The following GOLM1 variants were observed in gnomAD, a reference collection of about 807,000 sequenced individuals.
The protein encoded by GOLM1 is epididymis luminal protein 46.
A neutral mutation model predicts 50.5 loss-of-function variants in GOLM1; 31 were observed. The observed-to-expected ratio is 0.61, with a 90% CI of 0.46 to 0.83. The LOEUF is 0.83. Ranked by LOEUF, GOLM1 falls within the 40% of genes least tolerant of loss-of-function variation. The probability of loss-of-function intolerance (pLI) is 0.00; values close to 1 mark genes in which losing one functional copy is unlikely to be tolerated. For synonymous variants in GOLM1, 178 were observed against 192.8 expected, an observed-to-expected ratio of 0.92 and a Z score of 0.64; for missense variants, 491 against 501.3, an observed-to-expected ratio of 0.98 and a Z score of 0.20.
chr9:86,077,752 G>A (rs1438983753), intron 2 of GOLM1, 161 bp from the exon 3 acceptor site: 2 of 585,246 alleles, frequency 3.4e-6, no homozygotes, highest in African/African-American at 1.8e-5. Flanking sequence ...ACAGAAGCTG[G>A]AGCGGTTTCT....
rs2118642366 is a variant in GOLM1, at chr9:86,035,530, C to G, written c.853G>C (p.Val285Leu). The change falls in exon 8 of 10, where the codon GTA becomes CTA. Residue 285 changes from valine to leucine, a missense_variant. By Grantham distance (32) the Val-to-Leu change is conservative. Transcript: ENST00000388712. ...GCTCCCCCGAAGCCTCTTCCACCTA[C>G]AGGTCTGTCTTCCACCACCTGCTCC... ...GREQVVEDRP[V>L]GGRGFGGAGE... The G allele has an allele frequency of 6.2e-7, 1 of 1,612,344 alleles. No homozygotes were observed.
intron 1 of GOLM1, among the ~76,000 whole-genome samples, chr9:86,089,898 T>C (rs888250572): frequency 6.6e-6 from 1 of 152,226 alleles, no homozygotes; most frequent in African/African-American, 2.4e-5. Context: ...TGGATGTATC[T>C]ACCTTTGGTC....
In GOLM1 at chr9:86,071,078, T is replaced by TACACACACACACACAC. The variant is rs58612344; in HGVS notation, c.309+6318_309+6333dup. Among the ~76,000 whole-genome samples, 824 of 148,322 alleles carry TACACACACACACACAC rather than the reference T, an allele frequency of 5.6e-3. 10 individuals are homozygous for TACACACACACACACAC. Among genetic ancestry groups the TACACACACACACACAC allele is most frequent in the African/African-American group, 0.018 (713 of 39,976 alleles). ...AAACATTTACACACATATATACATGTACACACACACACACACACACACACA... is the reference window on the plus strand; with the variant it reads ...AAACATTTACACACATATATACATGTACACACACACACACACACACACACACACACACACACACACA... On this transcript the variant is annotated intron_variant, in intron 3 of 9. Coordinates refer to ENST00000388712, the MANE Select transcript of GOLM1 (RefSeq NM_016548.4).
At chr9:86,085,572 T>G (rs924063445) in intron 1 of GOLM1, among the ~76,000 whole-genome samples, 16 of 151,934 alleles carry the variant, frequency 1.1e-4, no homozygotes, top group Admixed American at 9.8e-4. Flanking sequence ...GATGGTTTGC[T>G]GCACCCATCA....
intron 1 of GOLM1, among the ~76,000 whole-genome samples, chr9:86,086,762 T>C (rs1475937931): frequency 2.0e-5 from 3 of 152,208 alleles, no homozygotes; most frequent in Non-Finnish European, 4.4e-5. Flanking sequence ...CAGATGGTTG[T>C]AGATGTGTGG....
At chr9:86,048,250 C>G (rs937996747) in intron 4 of GOLM1, among the ~76,000 whole-genome samples, 1 of 152,146 alleles carries the variant, frequency 6.6e-6, no homozygotes, top group Non-Finnish European at 1.5e-5. Flanking sequence ...ATATGTGCCA[C>G]ATTTTCTTAA....
In GOLM1 at chr9:86,035,078, G is replaced by A; in HGVS notation, c.1015+290C>T. On this transcript the variant is annotated intron_variant, in intron 8 of 9. Coordinates refer to ENST00000388712, the MANE Select transcript of GOLM1 (RefSeq NM_016548.4). The stretch of plus-strand genomic sequence containing the variant: ...CATGTGGCCTGCCTGCCAGGAGGGG[G>A]CGTCCACTTGATGCTAAGCACCCAT... 4.1e-6 allele frequency: 4 copies of A among 985,240 alleles called. No homozygotes were observed. In the South Asian group the frequency reaches 1.9e-4, roughly 46 times the overall value. 61.0% of individuals were successfully genotyped at this position (985,240 alleles called of 1,614,324 possible).
chr9:86,048,005 T>C lies in GOLM1; in HGVS notation c.365-1433A>G, dbSNP rs375159096. Reference sequence around the variant, plus strand: ...TAACTCGTCATTTACAATAGGTAATTTCTCTTAAAGCCATCCCTCCCCCCT... The same window carrying C: ...TAACTCGTCATTTACAATAGGTAATCTCTCTTAAAGCCATCCCTCCCCCCT... On this transcript the variant is annotated intron_variant, in intron 4 of 9. Transcript: ENST00000388712. 1.9e-4 allele frequency among the ~76,000 whole-genome samples: 29 copies of C among 151,710 alleles called. No homozygotes were observed. In the East Asian group the frequency reaches 4.9e-3, roughly 25 times the overall value.
At chr9:86,066,101 T>C (rs976160775) in intron 3 of GOLM1, among the ~76,000 whole-genome samples, 2 of 152,176 alleles carry the variant, frequency 1.3e-5, no homozygotes, top group Non-Finnish European at 2.9e-5. Flanking sequence ...GTAGGACCAA[T>C]GACCAGACTT....
chr9:86,098,630 A>G (rs7857175), intron 1 of GOLM1, among the ~76,000 whole-genome samples: 36,773 of 152,242 alleles, frequency 0.24, 7,544 homozygotes, highest in African/African-American at 0.54. Context: ...TTCAAATATA[A>G]TAATTCTTAA....
intron 3 of GOLM1, among the ~76,000 whole-genome samples, chr9:86,054,016 C>A (rs1833910532): frequency 6.6e-6 from 1 of 152,204 alleles, no homozygotes; most frequent in Non-Finnish European, 1.5e-5. Flanking sequence ...TGCACTTTAA[C>A]TTCTGGCCTC....
chr9:86,027,638 G>A lies in GOLM1; in HGVS notation c.*179C>T. On this transcript the variant is annotated 3_prime_UTR_variant, in exon 10 of 10. Transcript: ENST00000388712. ...GACACTTCCAAAGTACCCCCCAAAA[G>A]CTGTTTAAAAGACCATTCCATTTTT... is the stretch of plus-strand genomic sequence containing the variant. The A allele has an allele frequency of 1.4e-6, 2 of 1,384,696 alleles. No individual in the cohort carries two copies. Among genetic ancestry groups the A allele is most frequent in the Non-Finnish European group, 1.9e-6 (2 of 1,073,754 alleles). 85.8% of individuals were successfully genotyped at this position (1,384,696 alleles called of 1,614,324 possible). A position where few individuals can be genotyped will look rare whatever the true frequency, so the allele number is the denominator to read the frequency against.
intron 2 of GOLM1, chr9:86,077,805 C>G: frequency 1.9e-6 from 1 of 532,988 alleles, no homozygotes; most frequent in Non-Finnish European, 3.3e-6. Context: ...AAGGAAGGCT[C>G]TGTGCACTCA....
At chr9:86,062,358 C>T (rs560817122) in intron 3 of GOLM1, among the ~76,000 whole-genome samples, 1 of 152,088 alleles carries the variant, frequency 6.6e-6, no homozygotes, top group African/African-American at 2.4e-5. Context: ...ATCTCCTGCA[C>T]AGGGCACACT....
Position 86,079,346 on chromosome 9 carries a change from C to A in GOLM1, c.-21-5G>T. 6.4e-7 allele frequency: 1 copy of A among 1,561,814 alleles called. No individual in the cohort carries two copies. Among genetic ancestry groups the A allele is most frequent in the South Asian group, 1.2e-5 (1 of 86,262 alleles). On this transcript the variant is annotated splice_polypyrimidine_tract_variant and splice_region_variant and intron_variant, in intron 1 of 9. Transcript: ENST00000388712. ...CTCAAAATCAGCGCTGAGAATCTGC[C>A]AAGTAAAAGCAAATAAATAAACATC...
chr9:86,087,913 G>A (rs1472357107), intron 1 of GOLM1, among the ~76,000 whole-genome samples: 1 of 152,108 alleles, frequency 6.6e-6, no homozygotes, highest in Non-Finnish European at 1.5e-5. Context: ...TTTTTGTTGT[G>A]TTTAGGCCAG....
chr9:86,032,971 AGTG>A (rs1248367958), intron 9 of GOLM1, among the ~76,000 whole-genome samples: 1 of 152,234 alleles, frequency 6.6e-6, no homozygotes, highest in African/African-American at 2.4e-5. Flanking sequence ...CTGATCAAGT[AGTG>A]ACCTAGCCAT....
chr9:86,092,402 A>T (rs1192008694), intron 1 of GOLM1, among the ~76,000 whole-genome samples: 1 of 152,194 alleles, frequency 6.6e-6, no homozygotes, highest in African/African-American at 2.4e-5. Flanking sequence ...CTAAAATAGC[A>T]GTACCTGCCA....
chr9:86,098,382 G>A (rs1401173419), intron 1 of GOLM1, among the ~76,000 whole-genome samples: 1 of 152,156 alleles, frequency 6.6e-6, no homozygotes, highest in Non-Finnish European at 1.5e-5. Flanking sequence ...ACTGAGATTT[G>A]AGCCAACCTG....
Sources: allele counts gnomAD v4.1 joint callset (sites outside exome capture counted in the v4.1 genomes callset), GRCh38; gene constraint gnomAD v4.1.1; transcripts MANE v1.5; gene names NCBI Gene and HGNC (gene_info 2026-07-23, HGNC 2026-07-21).